The following RFTN1 variants were observed in gnomAD, a reference collection of about 807,000 sequenced individuals.
RFTN1 encodes the protein raftlin.
In RFTN1, 26 loss-of-function variants were observed where a neutral mutation model predicts 46.5. The ratio of observed to expected loss-of-function variants is 0.56; its 90% CI spans 0.41 to 0.78. The LOEUF is 0.78. RFTN1 is among the 30% of genes least tolerant of loss of function. The pLI is 0.00. For synonymous variants in RFTN1, 261 were observed against 284.2 expected (o/e 0.92, Z 0.82); for missense variants, 693 against 718.7 (o/e 0.96, Z 0.41).
chr3:16,339,731 C>G (rs901654785), intron 7 of RFTN1: 33 of 152,198 alleles, frequency 2.2e-4, no homozygotes, highest in Admixed American at 2.1e-3. Flanking sequence ...CTTGGTGCTT[C>G]GTTTTTCTGC....
intron 2 of RFTN1, among the ~76,000 whole-genome samples, chr3:16,444,206 A>G (rs2075685406): frequency 6.6e-6 from 1 of 152,226 alleles, no homozygotes. Context: ...CCTAATGAGT[A>G]TGATAGCTGG....
At position 16,400,615 on chromosome 3, in the gene RFTN1, C is replaced by T. The variant is rs2074576852; in HGVS notation, c.441+8760G>A. 6.6e-6 allele frequency among the ~76,000 whole-genome samples: 1 copy of T among 152,318 alleles called. No homozygotes were observed. Among genetic ancestry groups the T allele is most frequent in the South Asian group, 2.1e-4 (1 of 4,828 alleles). The stretch of plus-strand genomic sequence containing the variant: ...ACCCACTGATGCTGGACAGTAGATT[C>T]CCGCAGAGGGAGAAAATGAAGCACA... On this transcript the variant is annotated intron_variant, in intron 4 of 9. Transcript: ENST00000334133. The surrounding 1 kb of genome is among the most constrained non-coding windows in gnomAD (Gnocchi z 4.5).
At position 16,480,156 on chromosome 3, in the gene RFTN1, C is replaced by T. The variant is rs965148908; in HGVS notation, c.145+13569G>A. ...TAAGTAACTTTGCCAGACAAGACTGCTTTCTCCAAAAAGAAAAGTCCACCC... is the reference window on the plus strand; with the variant it reads ...TAAGTAACTTTGCCAGACAAGACTGTTTTCTCCAAAAAGAAAAGTCCACCC... On this transcript the variant is annotated intron_variant, in intron 2 of 9. Coordinates refer to ENST00000334133, the MANE Select transcript of RFTN1 (RefSeq NM_015150.2). This position sits in a 1 kb window ranked among gnomAD's most constrained non-coding sequence, Gnocchi z 4.3. Among the ~76,000 whole-genome samples, 1 of 152,206 alleles carries T rather than the reference C, an allele frequency of 6.6e-6. No homozygotes were observed. Among genetic ancestry groups the T allele is most frequent in the Admixed American group, 6.5e-5 (1 of 15,282 alleles).
chr3:16,368,720 A>G (rs368352385), intron 6 of RFTN1, among the ~76,000 whole-genome samples: 79 of 152,302 alleles, frequency 5.2e-4, no homozygotes, highest in African/African-American at 1.8e-3. Context: ...GCACTGACCA[A>G]GTACACACTG....
intron 7 of RFTN1, among the ~76,000 whole-genome samples, chr3:16,347,069 T>C (rs932493844): frequency 6.6e-6 from 1 of 152,226 alleles, no homozygotes; most frequent in Non-Finnish European, 1.5e-5. Flanking sequence ...TCTATTTCCC[T>C]GGGCTTCTGT....
chr3:16,349,911 C>G (rs1328623383), intron 7 of RFTN1: 1 of 152,258 alleles, frequency 6.6e-6, no homozygotes, highest in Non-Finnish European at 1.5e-5. Context: ...AGTTTTGAGT[C>G]TGCAGGCTGA....
chr3:16,448,484 G>T lies in RFTN1; in HGVS notation c.146-14447C>A, dbSNP rs2075771782. 1.3e-5 allele frequency among the ~76,000 whole-genome samples: 2 copies of T among 152,148 alleles called. No individual in the cohort carries two copies. Among genetic ancestry groups the T allele is most frequent in the African/African-American group, 4.8e-5 (2 of 41,434 alleles). ...CCCAAAATAAATCCATAACACCAAG[G>T]AATGGGGACAAGCTGTCACAACCCT... On this transcript the variant is annotated intron_variant, in intron 2 of 9. Transcript: ENST00000334133. This position sits in a 1 kb window ranked among gnomAD's most constrained non-coding sequence, Gnocchi z 4.1.
intron 2 of RFTN1, among the ~76,000 whole-genome samples, chr3:16,482,469 G>C (rs936798707): frequency 2.6e-5 from 4 of 152,124 alleles, no homozygotes; most frequent in Non-Finnish European, 5.9e-5. Context: ...TTGAATGACC[G>C]ATCACAGCCA....
rs1386608082 is a variant in RFTN1, at chr3:16,481,356, AT to A, written c.145+12368del. ...AAATCTCTTCAAACTGTAAGAGCAT[AT>A]TTATCTACTTTGAGACATGTTTTAT... On this transcript the variant is annotated intron_variant, in intron 2 of 9. Coordinates refer to ENST00000334133, the MANE Select transcript of RFTN1 (RefSeq NM_015150.2). This position sits in a 1 kb window ranked among gnomAD's most constrained non-coding sequence, Gnocchi z 5.1. 6.6e-6 allele frequency among the ~76,000 whole-genome samples: 1 copy of A among 152,196 alleles called. No individual in the cohort carries two copies. Among genetic ancestry groups the A allele is most frequent in the Non-Finnish European group, 1.5e-5 (1 of 68,038 alleles).
intron 6 of RFTN1, among the ~76,000 whole-genome samples, chr3:16,369,230 G>A (rs1208755190): frequency 1.3e-5 from 2 of 152,206 alleles, no homozygotes; most frequent in African/African-American, 4.8e-5. Context: ...AACTCTGTTC[G>A]TGACTCTGTT....
In RFTN1 at chr3:16,473,990, T is replaced by C. The variant is rs1217864831; in HGVS notation, c.145+19735A>G. On this transcript the variant is annotated intron_variant, in intron 2 of 9. Transcript: ENST00000334133. This position sits in a 1 kb window ranked among gnomAD's most constrained non-coding sequence, Gnocchi z 5.3. ...ACCCAATATGGTGAACAACAGCCCT[T>C]GGAGAGGGATTGATTAGGACAAACG... 2.0e-5 allele frequency among the ~76,000 whole-genome samples: 3 copies of C among 152,198 alleles called. No individual in the cohort carries two copies. The highest frequency in any genetic ancestry group is 2.9e-5 in the Non-Finnish European group (2 of 68,034).
chr3:16,503,887 TG>T (rs2076755937), intron 1 of RFTN1, among the ~76,000 whole-genome samples: 1 of 152,230 alleles, frequency 6.6e-6, no homozygotes, highest in East Asian at 1.9e-4. Context: ...ATCCACCACC[TG>T]GATTTCACAA....
Position 16,345,595 on chromosome 3 carries a change from A to T in RFTN1, c.1146+12337T>A, listed in dbSNP as rs1209736210. 3.9e-5 allele frequency among the ~76,000 whole-genome samples: 6 copies of T among 151,962 alleles called. No homozygotes were observed. Among genetic ancestry groups the T allele is most frequent in the Non-Finnish European group, 8.8e-5 (6 of 67,988 alleles). On this transcript the variant is annotated intron_variant, in intron 7 of 9. Coordinates refer to ENST00000334133, the MANE Select transcript of RFTN1 (RefSeq NM_015150.2). This position sits in a 1 kb window ranked among gnomAD's most constrained non-coding sequence, Gnocchi z 5.2. ...ACACCGCCTGACTGCTTGAACAGGA[A>T]CGTCCATCTTCTGCCCTTGTTGCTC... is the stretch of plus-strand genomic sequence containing the variant.
intron 7 of RFTN1, among the ~76,000 whole-genome samples, chr3:16,350,492 C>T (rs2072025370): frequency 6.8e-6 from 1 of 146,562 alleles, no homozygotes; most frequent in African/African-American, 2.5e-5. Flanking sequence ...AGATGAATCA[C>T]TTTTTTTTTT....
chr3:16,471,963 A>T (rs1575339857), intron 2 of RFTN1: 1 of 152,148 alleles, frequency 6.6e-6, no homozygotes, highest in Non-Finnish European at 1.5e-5. Context: ...TCACTCACAC[A>T]TAATCCTCGA....
rs909266795 is a variant in RFTN1 at position 16,475,470 on chromosome 3, A to G, written c.145+18255T>C. Among the ~76,000 whole-genome samples the G allele has an allele frequency of 9.9e-5, 15 of 152,206 alleles. No homozygotes were observed. The highest frequency in any genetic ancestry group is 3.6e-4 in the African/African-American group (15 of 41,446). On this transcript the variant is annotated intron_variant, in intron 2 of 9. Transcript: ENST00000334133. This position sits in a 1 kb window ranked among gnomAD's most constrained non-coding sequence, Gnocchi z 4.2. ...GATTGCCCCTTGGCTATTTTAGACT[A>G]CCAATGCCACAGAAACAAAAGGCAA...
rs578085541 is a variant in RFTN1, at chr3:16,334,069, G to T, written c.1147-7193C>A. ...AGTCCCAGCTACTTGGGAGGCTGAG[G>T]CAGGAGAATGGCTTGAACCTAGGAG... On this transcript the variant is annotated intron_variant, in intron 7 of 9. Coordinates refer to ENST00000334133, the MANE Select transcript of RFTN1 (RefSeq NM_015150.2). This position sits in a 1 kb window ranked among gnomAD's most constrained non-coding sequence, Gnocchi z 4.3. 2.0e-5 allele frequency among the ~76,000 whole-genome samples: 3 copies of T among 152,212 alleles called. No homozygotes were observed.
chr3:16,461,144 A>C (rs938602589), intron 2 of RFTN1, among the ~76,000 whole-genome samples: 2 of 152,258 alleles, frequency 1.3e-5, no homozygotes, highest in African/African-American at 4.8e-5. Flanking sequence ...GTTTAGGTAG[A>C]AGCTAATGAA....
rs1470249629 is a variant in RFTN1, at chr3:16,422,201, C to T, written c.332+11650G>A. ...ATATTGAACATTATGTTCTTGAAAA[C>T]ACAAGGTGGAAATTCTTCTTAAATT... On this transcript the variant is annotated intron_variant, in intron 3 of 9. Coordinates refer to ENST00000334133, the MANE Select transcript of RFTN1 (RefSeq NM_015150.2). The surrounding 1 kb of genome is among the most constrained non-coding windows in gnomAD (Gnocchi z 4.6). 1.3e-5 allele frequency among the ~76,000 whole-genome samples: 2 copies of T among 152,134 alleles called. No homozygotes were observed. The highest frequency in any genetic ancestry group is 1.3e-4 in the Admixed American group (2 of 15,280).
Sources: gnomAD v4.1 joint callset for allele counts (sites outside exome capture counted in the v4.1 genomes callset) on GRCh38, gnomAD v4.1.1 for gene constraint, Gnocchi (gnomAD v3.1) non-coding constraint, MANE v1.5 for transcripts, NCBI Gene and HGNC (gene_info 2026-07-23, HGNC 2026-07-21) for gene names.